MED12L: variants seen among roughly 807,000 people sequenced by gnomAD.
MED12L encodes mediator complex subunit 12L.
In MED12L, 60 loss-of-function variants were observed where a neutral mutation model predicts 281.3. The ratio of observed to expected loss-of-function variants is 0.21; its 90% CI spans 0.17 to 0.26. The LOEUF is 0.26. Ranked by LOEUF, MED12L falls within the 10% of genes least tolerant of loss-of-function variation. MED12L has a pLI of 1.00. For missense variants in MED12L, 2,146 were observed against 2,680.9 expected (o/e 0.80, Z 4.41); for synonymous variants, 974 against 987.2 (o/e 0.99, Z 0.25).
At chr3:151,124,105 A>G (rs1477213743) in intron 4 of MED12L, among the ~76,000 whole-genome samples, 6 of 152,178 alleles carry the variant, frequency 3.9e-5, no homozygotes, top group African/African-American at 1.2e-4. Context: ...GCATCCTTCA[A>G]TATTTGATGG....
intron 16 of MED12L, among the ~76,000 whole-genome samples, chr3:151,345,738 G>A (rs1338834925): frequency 1.3e-5 from 2 of 151,834 alleles, no homozygotes; most frequent in Non-Finnish European, 2.9e-5. Flanking sequence ...GGCTGGTCTC[G>A]AACTCATGAC....
intron 17 of MED12L, among the ~76,000 whole-genome samples, chr3:151,350,507 ATAG>A (rs1435628780): frequency 1.3e-5 from 2 of 152,104 alleles, no homozygotes; most frequent in East Asian, 1.9e-4. Context: ...CAAATTTTCT[ATAG>A]TAGTAATAAA....
intron 2 of MED12L, among the ~76,000 whole-genome samples, chr3:151,089,337 G>A (rs1489645932): frequency 1.3e-5 from 2 of 151,628 alleles, no homozygotes; most frequent in African/African-American, 4.8e-5. Context: ...CAACAGTTGT[G>A]TTCCATTAGA....
At chr3:151,146,152 A>G (rs1717728605) in intron 5 of MED12L, among the ~76,000 whole-genome samples, 1 of 152,134 alleles carries the variant, frequency 6.6e-6, no homozygotes, top group Non-Finnish European at 1.5e-5. Flanking sequence ...TGGAGTTGAA[A>G]TCCCTGGAGT....
intron 5 of MED12L, among the ~76,000 whole-genome samples, chr3:151,133,934 A>G (rs535544095): frequency 6.6e-6 from 1 of 152,290 alleles, no homozygotes; most frequent in Admixed American, 6.5e-5. Flanking sequence ...ATTTATAGGA[A>G]TTTTCCCCAT....
At chr3:151,170,726 G>A (rs1226256327) in intron 11 of MED12L, among the ~76,000 whole-genome samples, 2 of 152,106 alleles carry the variant, frequency 1.3e-5, no homozygotes, top group Admixed American at 1.3e-4. Flanking sequence ...TTCTAGATCT[G>A]TGCTGCTTAG....
In MED12L at chr3:151,376,165, G is replaced by C. The variant is rs140857403; in HGVS notation, c.4004G>C (p.Cys1335Ser). The change falls in exon 28 of 45, where the codon TGT (cysteine) becomes TCT (serine). Residue 1335 changes from cysteine (C) to serine (S), a missense_variant. This residue lies in a region of MED12L where 235 missense variants were observed against 260.3 expected (regional missense o/e 0.90). Coordinates refer to ENST00000687756, the MANE Select transcript of MED12L (RefSeq NM_001393769.1). Reference sequence around the variant, plus strand: ...TGTTATCCTCATGGCATTAAAGAATGTACCGAGGGGGACAATCTGCAAAGA... The same window carrying C: ...TGTTATCCTCATGGCATTAAAGAATCTACCGAGGGGGACAATCTGCAAAGA... The part of the protein sequence containing the change: ...LICYPHGIKE[C>S]TEGDNLQRQH... The C allele has an allele frequency of 6.2e-7, 1 of 1,607,284 alleles. No individual in the cohort carries two copies. The highest frequency in any genetic ancestry group is 1.3e-5 in the African/African-American group (1 of 74,478).
chr3:151,115,914 C>T (rs926638514), intron 2 of MED12L, among the ~76,000 whole-genome samples: 2 of 150,912 alleles, frequency 1.3e-5, no homozygotes, highest in South Asian at 2.1e-4. Flanking sequence ...AAAAATTAGC[C>T]GGGCATCGTG....
At chr3:151,324,377 C>T (rs1270025383) in intron 16 of MED12L, among the ~76,000 whole-genome samples, 1 of 151,962 alleles carries the variant, frequency 6.6e-6, no homozygotes, top group Non-Finnish European at 1.5e-5. Flanking sequence ...CACACAGAAA[C>T]GTATCGTTTT....
intron 16 of MED12L, 115 bp from the exon 17 acceptor site, chr3:151,349,944 G>T: frequency 1.2e-6 from 1 of 862,882 alleles, no homozygotes; most frequent in Non-Finnish European, 1.7e-6. Flanking sequence ...AGGGAGGGCG[G>T]GATGCCACCA....
At chr3:151,303,460 T>G (rs1320253512) in intron 16 of MED12L, among the ~76,000 whole-genome samples, 1 of 152,004 alleles carries the variant, frequency 6.6e-6, no homozygotes, top group African/African-American at 2.4e-5. Flanking sequence ...ATGAGATTGT[T>G]CAAGATGAAA....
chr3:151,411,489 C>G lies in MED12L; in HGVS notation c.6122C>G (p.Pro2041Arg), dbSNP rs1379504526. Residue 2041 changes from proline to arginine, a missense_variant, in exon 41 of 45, where the codon CCC becomes CGC. By Grantham distance (103) the Pro-to-Arg change is moderately radical. Coordinates refer to ENST00000687756, the MANE Select transcript of MED12L (RefSeq NM_001393769.1). ...VQQQASPYLQ[P>R]LTGSQRLNHQ... ...CAGCAGGCCTCGCCGTACCTGCAGCCCCTGACTGGCTCTCAGAGGTGATAC... is the reference window on the plus strand; with the variant it reads ...CAGCAGGCCTCGCCGTACCTGCAGCGCCTGACTGGCTCTCAGAGGTGATAC... The G allele has an allele frequency of 7.4e-6, 12 of 1,614,044 alleles. No individual in the cohort carries two copies. The highest frequency in any genetic ancestry group is 9.3e-6 in the Non-Finnish European group (11 of 1,180,006).
chr3:151,424,651 ACT>A (rs1338686793), intron 43 of MED12L, among the ~76,000 whole-genome samples: 1 of 151,938 alleles, frequency 6.6e-6, no homozygotes, highest in Non-Finnish European at 1.5e-5. Flanking sequence ...AAACAAAAAA[ACT>A]CTATGCAAGT....
At chr3:151,122,467 C>T (rs1713903755) in intron 3 of MED12L, among the ~76,000 whole-genome samples, 1 of 152,166 alleles carries the variant, frequency 6.6e-6, no homozygotes, top group Non-Finnish European at 1.5e-5. Flanking sequence ...GAAAGAGCAG[C>T]TGAAGGATTA....
chr3:151,107,107 T>G (rs63495061), intron 2 of MED12L, among the ~76,000 whole-genome samples: 2 of 141,610 alleles, frequency 1.4e-5, no homozygotes, highest in East Asian at 4.2e-4. Context: ...TTTTTTTTTT[T>G]GGATTATTAG....
chr3:151,297,426 TAGAG>T (rs147429876), intron 16 of MED12L, among the ~76,000 whole-genome samples: 16,773 of 152,108 alleles, frequency 0.11, 1,201 homozygotes, highest in Middle Eastern at 0.17. Flanking sequence ...CTTAGGGAAA[TAGAG>T]AGAGGACATG....
At chr3:151,388,913 T>C (rs895515337) in intron 37 of MED12L, among the ~76,000 whole-genome samples, 1 of 152,228 alleles carries the variant, frequency 6.6e-6, no homozygotes, top group African/African-American at 2.4e-5. Flanking sequence ...ATTTGAGACA[T>C]TTTTAATGAA....
intron 16 of MED12L, among the ~76,000 whole-genome samples, chr3:151,335,730 T>G (rs73157976): frequency 4.4e-4 from 67 of 152,318 alleles, no homozygotes; most frequent in Non-Finnish European, 8.7e-4. Context: ...CTCACACTGT[T>G]TTGAATGGGT....
chr3:151,165,760 G>T, intron 10 of MED12L, 86 bp from the exon 11 acceptor site: 1 of 1,393,702 alleles, frequency 7.2e-7, no homozygotes, highest in Non-Finnish European at 9.9e-7. Context: ...AAATTCTTTT[G>T]CCTCACATAG....
Sources: allele counts gnomAD v4.1 joint callset (sites outside exome capture counted in the v4.1 genomes callset), GRCh38; gene constraint gnomAD v4.1.1; regional missense constraint gnomAD v4.1.1; transcripts MANE v1.5; gene names NCBI Gene and HGNC (gene_info 2026-07-23, HGNC 2026-07-21).